The following LARGE1 variants were observed in gnomAD, a reference collection of about 807,000 sequenced individuals.
LARGE1 encodes LARGE xylosyl- and glucuronyltransferase 1, also known as xylosyl- and glucuronyltransferase LARGE1.
In LARGE1, 43 loss-of-function variants were observed where a neutral mutation model predicts 87.6. The observed-to-expected ratio is 0.49, with a 90% CI of 0.38 to 0.63. The LOEUF is 0.63. LARGE1 is among the 30% of genes least tolerant of loss of function. The pLI is 0.00. For synonymous variants in LARGE1, 434 were observed against 394.6 expected, an observed-to-expected ratio of 1.10 and a Z score of -1.18; for missense variants, 802 against 1,000.2, an observed-to-expected ratio of 0.80 and a Z score of 2.67.
At chr22:33,476,006 T>C (rs2069062534) in intron 6 of LARGE1, among the ~76,000 whole-genome samples, 1 of 152,262 alleles carries the variant, frequency 6.6e-6, no homozygotes, top group Non-Finnish European at 1.5e-5. Context: ...CTTCCCATTA[T>C]ATTCCTAAAT....
chr22:33,068,775 T>TCCATC, the LARGE1 span, among the ~76,000 whole-genome samples: 1 of 152,166 alleles, frequency 6.6e-6, no homozygotes, highest in Admixed American at 6.5e-5. Flanking sequence ...ATTGGTAGTC[T>TCCATC]CCATCACCGT....
At chr22:33,373,586 A>G (rs2064890552) in intron 9 of LARGE1, among the ~76,000 whole-genome samples, 1 of 152,108 alleles carries the variant, frequency 6.6e-6, no homozygotes, top group African/African-American at 2.4e-5. Context: ...TCTACCCTTG[A>G]GAAGGCCTGG....
At chr22:33,555,261 G>A (rs375218512) in intron 6 of LARGE1, among the ~76,000 whole-genome samples, 4 of 152,160 alleles carry the variant, frequency 2.6e-5, no homozygotes, top group Admixed American at 1.3e-4. Context: ...TTTGGTATCC[G>A]TGGGAGGTCC....
At chr22:33,531,992 G>T (rs577605069) in intron 6 of LARGE1, among the ~76,000 whole-genome samples, 1 of 152,366 alleles carries the variant, frequency 6.6e-6, no homozygotes, top group South Asian at 2.1e-4. Flanking sequence ...GTGCCTAGAT[G>T]ATCTAGAAAG....
chr22:33,413,165 T>A (rs1026140823), intron 7 of LARGE1, among the ~76,000 whole-genome samples: 1 of 152,156 alleles, frequency 6.6e-6, no homozygotes, highest in Non-Finnish European at 1.5e-5. Context: ...ATCCTATCCT[T>A]TGGCAGTAAT....
At chr22:33,705,190 A>G (rs2082525277) in intron 2 of LARGE1, among the ~76,000 whole-genome samples, 1 of 152,050 alleles carries the variant, frequency 6.6e-6, no homozygotes, top group South Asian at 2.1e-4. Flanking sequence ...ACAACACAAC[A>G]CACACCTGGC....
At chr22:33,536,629 G>T (rs555285020) in intron 6 of LARGE1, among the ~76,000 whole-genome samples, 1 of 152,234 alleles carries the variant, frequency 6.6e-6, no homozygotes, top group Non-Finnish European at 1.5e-5. Context: ...GCCTTATGAT[G>T]CGTCACAGAG....
chr22:33,291,672 T>C (rs1211777084), intron 12 of LARGE1, among the ~76,000 whole-genome samples: 1 of 150,822 alleles, frequency 6.6e-6, no homozygotes, highest in East Asian at 1.9e-4. Context: ...ATCAATACAT[T>C]TAATACATAA....
intron 2 of LARGE1, among the ~76,000 whole-genome samples, chr22:33,754,292 T>C (rs1274663217): frequency 2.0e-5 from 3 of 152,198 alleles, no homozygotes; most frequent in Admixed American, 2.0e-4. Context: ...TTGCAAGATT[T>C]TGCTCAAGCT....
intron 2 of LARGE1, among the ~76,000 whole-genome samples, chr22:33,655,752 A>G (rs1397870023): frequency 2.0e-5 from 3 of 152,210 alleles, no homozygotes; most frequent in African/African-American, 7.2e-5. Flanking sequence ...TGAGGAAGAG[A>G]GAAAGAGAAG....
chr22:33,799,990 G>A (rs527809159), intron 1 of LARGE1, among the ~76,000 whole-genome samples: 2 of 152,142 alleles, frequency 1.3e-5, no homozygotes, highest in Non-Finnish European at 2.9e-5. Context: ...GAAGATCCTC[G>A]CTGTCCCACG....
intron 1 of LARGE1, among the ~76,000 whole-genome samples, chr22:33,828,492 G>A (rs1338332086): frequency 6.6e-6 from 1 of 152,258 alleles, no homozygotes; most frequent in Admixed American, 6.5e-5. Flanking sequence ...CAGCTTGTGG[G>A]AAGGAAGCCA....
At chr22:33,788,734 T>G (rs1043792085) in intron 1 of LARGE1, among the ~76,000 whole-genome samples, 4 of 152,174 alleles carry the variant, frequency 2.6e-5, no homozygotes, top group Non-Finnish European at 5.9e-5. Context: ...TTGTAGAAAC[T>G]TGAACTTGAG....
intron 7 of LARGE1, among the ~76,000 whole-genome samples, chr22:33,421,852 G>C (rs183902417): frequency 6.6e-6 from 1 of 152,228 alleles, no homozygotes; most frequent in Non-Finnish European, 1.5e-5. Context: ...GCAGGTGGAA[G>C]AGGGAGTAGG....
intron 6 of LARGE1, among the ~76,000 whole-genome samples, chr22:33,549,688 A>G (rs984040294): frequency 6.6e-6 from 1 of 152,236 alleles, no homozygotes; most frequent in African/African-American, 2.4e-5. Context: ...TCAGAAGCAC[A>G]TAAAATAGGA....
chr22:33,387,036 G>A (rs918230105), intron 7 of LARGE1, among the ~76,000 whole-genome samples: 22 of 148,432 alleles, frequency 1.5e-4, no homozygotes, highest in African/African-American at 5.1e-4. Context: ...TCCAGGAGGC[G>A]GAGGTTGCAG....
At chr22:33,781,122 G>C (rs574218272) in intron 1 of LARGE1, among the ~76,000 whole-genome samples, 2 of 152,210 alleles carry the variant, frequency 1.3e-5, no homozygotes, top group African/African-American at 4.8e-5. Context: ...TAGTTTGGAC[G>C]TTTTTCATTT....
At chr22:33,843,547 TG>T (rs1478525995) in intron 1 of LARGE1, among the ~76,000 whole-genome samples, 3 of 151,804 alleles carry the variant, frequency 2.0e-5, no homozygotes, top group East Asian at 3.9e-4. Context: ...AAAATGCATA[TG>T]GGGGTTTATT....
rs1033046710 is a variant in LARGE1 at position 33,640,501 on chromosome 22, C to T, written c.408+9866G>A. On this transcript the variant is annotated intron_variant, in intron 3 of 14. Coordinates refer to ENST00000397394, the MANE Select transcript of LARGE1 (RefSeq NM_133642.5). ...GAAAATAAGTTATACCGAAAGTCAA[C>T]ATGGCAGTTCAGGCAGACACCCAGC... Among the ~76,000 whole-genome samples the T allele has an allele frequency of 6.6e-5, 10 of 152,098 alleles. No individual in the cohort carries two copies. In the South Asian group the frequency reaches 1.9e-3, roughly 28 times the overall value.
Sources: allele counts gnomAD v4.1 joint callset (sites outside exome capture counted in the v4.1 genomes callset), GRCh38; gene constraint gnomAD v4.1.1; transcripts MANE v1.5; gene names NCBI Gene and HGNC (gene_info 2026-07-23, HGNC 2026-07-21).